The following DPP6 variants were observed in gnomAD, a reference collection of about 807,000 sequenced individuals.
DPP6 encodes A-type potassium channel modulatory protein DPP6.
In DPP6, 69 loss-of-function variants were observed where a neutral mutation model predicts 122.6. That is an observed-to-expected ratio of 0.56 (90% confidence interval 0.46 to 0.69). The LOEUF is 0.69. DPP6 is among the 30% of genes least tolerant of loss of function. DPP6 has a pLI of 0.00. For missense variants in DPP6, 928 were observed against 1,116.9 expected, an observed-to-expected ratio of 0.83 and a Z score of 2.41; for synonymous variants, 418 against 433.1, an observed-to-expected ratio of 0.97 and a Z score of 0.43.
intron 8 of DPP6, among the ~76,000 whole-genome samples, chr7:154,733,809 T>C (rs1200676744): frequency 6.6e-6 from 1 of 152,242 alleles, no homozygotes; most frequent in Non-Finnish European, 1.5e-5. Flanking sequence ...GGGAACTCTT[T>C]GTTCATCCAG....
intron 5 of DPP6, among the ~76,000 whole-genome samples, chr7:154,591,718 C>T (rs1832817151): frequency 6.6e-6 from 1 of 152,192 alleles, no homozygotes; most frequent in Non-Finnish European, 1.5e-5. Flanking sequence ...GGCCCTGATC[C>T]AGCAGAGGAG....
At chr7:154,119,475 C>T (rs372610057) in intron 1 of DPP6, among the ~76,000 whole-genome samples, 2 of 151,828 alleles carry the variant, frequency 1.3e-5, no homozygotes, top group African/African-American at 4.8e-5. Context: ...CTGAGTACAA[C>T]GTCTGTGTAC....
chr7:153,920,891 G>A (rs1421620945), intron 1 of DPP6, among the ~76,000 whole-genome samples: 1 of 152,086 alleles, frequency 6.6e-6, no homozygotes, highest in Non-Finnish European at 1.5e-5. Context: ...TAATACAAAT[G>A]TGTCACCAAT....
In DPP6 at chr7:154,126,368, T is replaced by TG. The variant is rs1248909847; in HGVS notation, c.243+73307dup. 2.0e-5 allele frequency among the ~76,000 whole-genome samples: 3 copies of TG among 151,780 alleles called. No individual in the cohort carries two copies. The East Asian group carries it at 5.9e-4, about 30-fold the overall frequency. ...AATGGGGTCATGAGAGAGGGAAGAG[T>TG]GGTGCTATTAACATTCACATTGAGA... On this transcript the variant is annotated intron_variant, in intron 1 of 25. Transcript: ENST00000377770.
chr7:153,887,564 TCC>T, exon 1 of DPP6: 2 of 1,187,090 alleles, frequency 1.7e-6, no homozygotes, highest in Admixed American at 2.0e-5. Context: ...GATTTTTTTT[TCC>T]TTCAAAAACC....
At chr7:154,228,510 G>A (rs1299397897) in intron 1 of DPP6, among the ~76,000 whole-genome samples, 1 of 152,106 alleles carries the variant, frequency 6.6e-6, no homozygotes, top group East Asian at 1.9e-4. Context: ...GGGTTCAAAT[G>A]GTGCCAGAAG....
intron 10 of DPP6, among the ~76,000 whole-genome samples, chr7:154,792,424 C>T (rs1253558529): frequency 6.6e-6 from 1 of 152,252 alleles, no homozygotes; most frequent in East Asian, 1.9e-4. Flanking sequence ...TAGGCAGAGA[C>T]GTTGAATTAT....
chr7:154,380,241 G>C (rs1451268428), intron 1 of DPP6, among the ~76,000 whole-genome samples: 1 of 152,324 alleles, frequency 6.6e-6, no homozygotes, highest in South Asian at 2.1e-4. Flanking sequence ...GTAAGAGTAG[G>C]GTTGTGTTAG....
chr7:154,636,288 A>G (rs1532090), intron 5 of DPP6, among the ~76,000 whole-genome samples: 40,430 of 152,102 alleles, frequency 0.27, 5,460 homozygotes, highest in African/African-American at 0.31. Context: ...TCCAGCTCAC[A>G]CAGGCATGGC....
Position 154,113,058 on chromosome 7 carries a change from C to A in DPP6, c.243+59995C>A, listed in dbSNP as rs149367257. ...TTTTTGCATATGGCAGGATTTTCTGCTGTATTAAGGCTAAATAATACTTGA... is the reference window on the plus strand; with the variant it reads ...TTTTTGCATATGGCAGGATTTTCTGATGTATTAAGGCTAAATAATACTTGA... On this transcript the variant is annotated intron_variant, in intron 1 of 25. Transcript: ENST00000377770. 6.3e-3 allele frequency among the ~76,000 whole-genome samples: 965 copies of A among 152,292 alleles called. 16 individuals carry two copies. Among genetic ancestry groups the A allele is most frequent in the African/African-American group, 0.022 (934 of 41,570 alleles).
chr7:154,192,879 A>G (rs1798682400), intron 1 of DPP6, among the ~76,000 whole-genome samples: 2 of 152,256 alleles, frequency 1.3e-5, no homozygotes, highest in South Asian at 2.1e-4. Context: ...ACCCCAGGCC[A>G]GGTGGAACAT....
At chr7:154,307,815 C>G (rs1806487143) in intron 1 of DPP6, among the ~76,000 whole-genome samples, 1 of 151,176 alleles carries the variant, frequency 6.6e-6, no homozygotes, top group African/African-American at 2.4e-5. Context: ...TACCTCTATT[C>G]CCAGGCTGGT....
At chr7:154,138,118 G>A (rs2150654078) in intron 1 of DPP6, among the ~76,000 whole-genome samples, 1 of 152,296 alleles carries the variant, frequency 6.6e-6, no homozygotes, top group East Asian at 1.9e-4. Context: ...CAAACGAGGT[G>A]TTTTTGTGAA....
intron 1 of DPP6, among the ~76,000 whole-genome samples, chr7:153,901,134 T>A: frequency 6.6e-6 from 1 of 152,172 alleles, no homozygotes; most frequent in Non-Finnish European, 1.5e-5. Flanking sequence ...TTCTTCTATA[T>A]ATATATAAAG....
At chr7:153,829,998 A>G in the DPP6 span, among the ~76,000 whole-genome samples, 1 of 152,214 alleles carries the variant, frequency 6.6e-6, no homozygotes, top group African/African-American at 2.4e-5. Flanking sequence ...TCATCGGAGA[A>G]GCTAATTGGG....
chr7:154,290,485 CT>C (rs1805134412), intron 1 of DPP6, among the ~76,000 whole-genome samples: 1 of 152,074 alleles, frequency 6.6e-6, no homozygotes, highest in African/African-American at 2.4e-5. Context: ...TGCCACCCCC[CT>C]GCCTTGCACT....
rs1333392785 is a variant in DPP6, at chr7:154,330,079, C to T, written c.244-116135C>T. On this transcript the variant is annotated intron_variant, in intron 1 of 25. Coordinates refer to ENST00000377770, the MANE Select transcript of DPP6 (RefSeq NM_130797.4). ...AGACCATTAGGACAAATACCTAATGCATGCAGGGCTTAAAACCTAGATGAT... is the reference window on the plus strand; with the variant it reads ...AGACCATTAGGACAAATACCTAATGTATGCAGGGCTTAAAACCTAGATGAT... Among the ~76,000 whole-genome samples the T allele has an allele frequency of 2.6e-5, 4 of 152,184 alleles. No homozygotes were observed. The South Asian group carries it at 6.2e-4, about 24-fold the overall frequency.
the DPP6 span, among the ~76,000 whole-genome samples, chr7:153,796,050 C>T: frequency 7.2e-6 from 1 of 139,070 alleles, no homozygotes; most frequent in African/African-American, 2.7e-5. Flanking sequence ...TCTACTGTGG[C>T]GAGTGATCCA....
rs777823505 is a variant in DPP6, at chr7:154,540,647, C to A, written c.552+21C>A. 1.1e-4 allele frequency: 150 copies of A among 1,405,902 alleles called. 2 individuals carry two copies. The South Asian group carries it at 1.9e-3, about 18-fold the overall frequency. The allele number at this position is 1,405,902 out of a possible 1,614,324, so 87.1% of individuals were successfully genotyped here. A position where few individuals can be genotyped will look rare whatever the true frequency, so the allele number is the denominator to read the frequency against. ...AAATTGTAAGTACTCTCTTTAATGA[C>A]CGGGATAATTTCAGTTTTTCTTCCT... On this transcript the variant is annotated intron_variant, in intron 4 of 25. Coordinates refer to ENST00000377770, the MANE Select transcript of DPP6 (RefSeq NM_130797.4).
Sources: gnomAD v4.1 joint callset for allele counts (sites outside exome capture counted in the v4.1 genomes callset) on GRCh38, gnomAD v4.1.1 for gene constraint, MANE v1.5 for transcripts, NCBI Gene and HGNC (gene_info 2026-07-23, HGNC 2026-07-21) for gene names.